HS6ST2: variants seen among roughly 807,000 people sequenced by gnomAD.
HS6ST2 encodes the protein heparan sulfate 6-O-sulfotransferase 2.
In HS6ST2, 17 loss-of-function variants were observed where a neutral mutation model predicts 33.0. The ratio of observed to expected loss-of-function variants is 0.52; its 90% confidence interval spans 0.35 to 0.77. HS6ST2 has a LOEUF of 0.77. Ranked by LOEUF, HS6ST2 falls within the 30% of genes least tolerant of loss-of-function variation. HS6ST2 has a pLI of 0.01. For synonymous variants in HS6ST2, 248 were observed against 237.1 expected (o/e 1.05, Z -0.42); for missense variants, 519 against 551.7 (o/e 0.94, Z 0.59).
At chrX:132,907,022 A>G (rs1362828276) in intron 2 of HS6ST2, among the ~76,000 whole-genome samples, 1 of 111,564 alleles carries the variant, frequency 9.0e-6, no homozygotes, top group Non-Finnish European at 1.9e-5. Flanking sequence ...CCTCTCTCAC[A>G]CAATGTGATG....
rs748348515 is a variant in HS6ST2 at position 132,763,060 on chromosome X, G to A, written c.948-54566C>T. On this transcript the variant is annotated intron_variant, in intron 2 of 4. Transcript: ENST00000370833. ...AATTAAAATTATGTGAAGTGTCTGG[G>A]ACATAGTAAGAGTTCAATAAATGTG... is the stretch of plus-strand genomic sequence containing the variant. Among the ~76,000 whole-genome samples the A allele has an allele frequency of 9.0e-5, 10 of 111,673 alleles. No homozygotes were observed. In the East Asian group the frequency reaches 2.8e-3, roughly 31 times the overall value.
chrX:132,836,335 A>G (rs148075949), intron 2 of HS6ST2, among the ~76,000 whole-genome samples: 2,154 of 112,095 alleles, frequency 0.019, 28 homozygotes, highest in Non-Finnish European at 0.029. Flanking sequence ...TTAATATGAG[A>G]CCTTTTTCAT....
chrX:132,897,284 G>T (rs1188848340), intron 2 of HS6ST2, among the ~76,000 whole-genome samples: 1 of 110,254 alleles, frequency 9.1e-6, no homozygotes, highest in African/African-American at 3.3e-5. Context: ...GCGGGGGCAA[G>T]GGATGCAAAG....
Position 132,860,499 on chromosome X carries a change from G to C in HS6ST2, c.947+96309C>G, listed in dbSNP as rs527691787. On this transcript the variant is annotated intron_variant, in intron 2 of 4. Transcript: ENST00000370833. ...AGCAGTGCTTTCTTCTACAGATTATGTTTGACTGAAGGCTGGATAATTCTG... is the reference window on the plus strand; with the variant it reads ...AGCAGTGCTTTCTTCTACAGATTATCTTTGACTGAAGGCTGGATAATTCTG... Among the ~76,000 whole-genome samples, 11 of 111,843 alleles carry C rather than the reference G, an allele frequency of 9.8e-5. No homozygotes were observed. The South Asian group carries it at 3.8e-3, about 38-fold the overall frequency.
At chrX:132,664,177 A>AT (rs1178162826) in intron 4 of HS6ST2, among the ~76,000 whole-genome samples, 22 of 110,367 alleles carry the variant, frequency 2.0e-4, no homozygotes, top group Middle Eastern at 4.3e-3. Flanking sequence ...TGCCCAGCTA[A>AT]TTTTTTGTAT....
chrX:132,855,343 T>C (rs1049108772), intron 2 of HS6ST2, among the ~76,000 whole-genome samples: 3 of 112,482 alleles, frequency 2.7e-5, no homozygotes, highest in African/African-American at 9.7e-5. Flanking sequence ...GCATTATGCC[T>C]ATTTTAAGAT....
intron 2 of HS6ST2, among the ~76,000 whole-genome samples, chrX:132,810,408 AGAAG>A (rs10538975): frequency 0.35 from 36,640 of 105,243 alleles, 5,720 homozygotes; most frequent in African/African-American, 0.49. Flanking sequence ...TGAGAAAGAA[AGAAG>A]GAAGGAAGGA....
At position 132,902,045 on chromosome X, in the gene HS6ST2, A is replaced by G. The variant is rs373656719; in HGVS notation, c.947+54763T>C. ...TTGAGGCACAGGCACAGTCTAATCC[A>G]GAAGTTGTATCAATTTGCAGCCTTC... is the stretch of plus-strand genomic sequence containing the variant. On this transcript the variant is annotated intron_variant, in intron 2 of 4. Transcript: ENST00000370833. Among the ~76,000 whole-genome samples, 21 of 111,252 alleles carry G rather than the reference A, an allele frequency of 1.9e-4. No individual in the cohort carries two copies. In the East Asian group the frequency reaches 2.3e-3, roughly 12 times the overall value.
At chrX:132,801,442 T>C (rs1357834924) in intron 2 of HS6ST2, among the ~76,000 whole-genome samples, 2 of 112,115 alleles carry the variant, frequency 1.8e-5, no homozygotes, top group African/African-American at 6.5e-5. Flanking sequence ...TGAATATTGA[T>C]TATGAGACAA....
At chrX:132,802,947 T>C (rs904614097) in intron 2 of HS6ST2, among the ~76,000 whole-genome samples, 1 of 110,687 alleles carries the variant, frequency 9.0e-6, no homozygotes, top group Non-Finnish European at 1.9e-5. Context: ...CTAATAAACT[T>C]AATCTCCCCA....
chrX:132,739,760 A>C (rs1201659915), intron 2 of HS6ST2, among the ~76,000 whole-genome samples: 3 of 110,368 alleles, frequency 2.7e-5, no homozygotes. Context: ...AGATATGATT[A>C]GTTTTGTACC....
At chrX:132,881,923 T>G (rs1350814666) in intron 2 of HS6ST2, among the ~76,000 whole-genome samples, 1 of 111,725 alleles carries the variant, frequency 9.0e-6, no homozygotes, top group Non-Finnish European at 1.9e-5. Flanking sequence ...TTGTCAAAGA[T>G]CAGATGGTTG....
rs148652932 is a variant in HS6ST2 at position 132,704,419 on chromosome X, T to C, written c.980+4043A>G. Reference sequence around the variant, plus strand: ...AAAATACAAAATTAGCCAGGTGTGGTGGCACATGCCTGAAATCCCAGCTAC... The same window carrying C: ...AAAATACAAAATTAGCCAGGTGTGGCGGCACATGCCTGAAATCCCAGCTAC... On this transcript the variant is annotated intron_variant, in intron 3 of 4. Coordinates refer to ENST00000370833, the MANE Select transcript of HS6ST2 (RefSeq NM_001394073.1). Among the ~76,000 whole-genome samples, 21 of 110,860 alleles carry C rather than the reference T, an allele frequency of 1.9e-4. 1 individual carries two copies. The East Asian group carries it at 5.7e-3, about 30-fold the overall frequency.
At chrX:132,780,880 C>G (rs1417002091) in intron 2 of HS6ST2, among the ~76,000 whole-genome samples, 2 of 111,813 alleles carry the variant, frequency 1.8e-5, no homozygotes, top group East Asian at 2.8e-4. Flanking sequence ...GAGCCTTGAG[C>G]CTGTCTTAGG....
intron 4 of HS6ST2, among the ~76,000 whole-genome samples, chrX:132,661,059 G>A (rs776062702): frequency 2.5e-4 from 28 of 111,148 alleles, no homozygotes; most frequent in Non-Finnish European, 4.5e-4. Flanking sequence ...CGAGGAAACC[G>A]CCCCCATGAT....
intron 4 of HS6ST2, chrX:132,667,558 G>A (rs1450957809): frequency 8.9e-6 from 1 of 112,109 alleles, no homozygotes; most frequent in Non-Finnish European, 1.9e-5. Context: ...TGCTCCTTTT[G>A]TAGCTCAAAT....
intron 2 of HS6ST2, among the ~76,000 whole-genome samples, chrX:132,802,658 C>T (rs917131428): frequency 9.1e-6 from 1 of 110,494 alleles, no homozygotes; most frequent in Admixed American, 9.8e-5. Context: ...TCAGATACTG[C>T]CTGGGAACCG....
chrX:132,778,977 G>A (rs2064993285), intron 2 of HS6ST2, among the ~76,000 whole-genome samples: 1 of 112,077 alleles, frequency 8.9e-6, no homozygotes, highest in African/African-American at 3.2e-5. Flanking sequence ...ACAGTATCCT[G>A]GAATGGAGGA....
intron 3 of HS6ST2, among the ~76,000 whole-genome samples, chrX:132,677,898 G>A (rs758407350): frequency 8.9e-6 from 1 of 111,939 alleles, no homozygotes; most frequent in African/African-American, 3.3e-5. Flanking sequence ...TTGAGGCAGG[G>A]TTGGTCCTAC....
Sources: gnomAD v4.1 joint callset for allele counts (sites outside exome capture counted in the v4.1 genomes callset) on GRCh38, gnomAD v4.1.1 for gene constraint, MANE v1.5 for transcripts, NCBI Gene and HGNC (gene_info 2026-07-23, HGNC 2026-07-21) for gene names.